Variants in GRIK1 observed in about 807,000 individuals in gnomAD.
The protein encoded by GRIK1 is glutamate ionotropic receptor kainate type subunit 1, also known as glutamate receptor ionotropic, kainate 1.
GRIK1 carries 69 observed loss-of-function variants against 105.7 expected under a neutral mutation model. The observed-to-expected ratio is 0.65, with a 90% CI of 0.54 to 0.80. The LOEUF is 0.80. GRIK1 is among the 30% of genes least tolerant of loss of function. The probability of loss-of-function intolerance (pLI) is 0.00; values close to 1 mark genes in which losing one functional copy is unlikely to be tolerated. For synonymous variants in GRIK1, 438 were observed against 431.3 expected, an observed-to-expected ratio of 1.02 and a Z score of -0.19; for missense variants, 1,109 against 1,167.3, an observed-to-expected ratio of 0.95 and a Z score of 0.73.
chr21:29,937,825 A>G (rs995543579), intron 1 of GRIK1, among the ~76,000 whole-genome samples: 1 of 150,708 alleles, frequency 6.6e-6, no homozygotes, highest in Non-Finnish European at 1.5e-5. Flanking sequence ...GGGTGAGTAG[A>G]GTTGATTGCA....
chr21:29,898,382 G>A (rs1216164383), intron 1 of GRIK1, among the ~76,000 whole-genome samples: 2 of 152,178 alleles, frequency 1.3e-5, no homozygotes, highest in African/African-American at 2.4e-5. Flanking sequence ...AAGGCTGACA[G>A]AAGGGATGAC....
chr21:29,693,143 T>C (rs2063617605), intron 2 of GRIK1, among the ~76,000 whole-genome samples: 2 of 152,208 alleles, frequency 1.3e-5, no homozygotes, highest in African/African-American at 4.8e-5. Context: ...GAGTAGCCTT[T>C]GTTTCCACAT....
At chr21:29,730,551 C>G (rs185752072) in intron 1 of GRIK1, among the ~76,000 whole-genome samples, 1 of 152,304 alleles carries the variant, frequency 6.6e-6, no homozygotes, top group Non-Finnish European at 1.5e-5. Flanking sequence ...CATCTGCTCA[C>G]AGATATAGCT....
In GRIK1 at chr21:29,585,590, G is replaced by A. The variant is rs893845968; in HGVS notation, c.1793+1776C>T. 5.9e-5 allele frequency among the ~76,000 whole-genome samples: 9 copies of A among 152,228 alleles called. No homozygotes were observed. In the East Asian group the frequency reaches 1.7e-3, roughly 29 times the overall value. On this transcript the variant is annotated intron_variant, in intron 12 of 17. Transcript: ENST00000327783. ...AAATATGGAAACTCACTTTTGCCCT[G>A]CGAAATATGGAAACTACTGTTGCCC...
At chr21:29,840,353 A>C (rs2067942449) in intron 1 of GRIK1, among the ~76,000 whole-genome samples, 1 of 152,186 alleles carries the variant, frequency 6.6e-6, no homozygotes, top group South Asian at 2.1e-4. Flanking sequence ...AAAAATCACC[A>C]TTTGCCATTT....
rs545950219 is a variant in GRIK1, at chr21:29,753,517, G to A, written c.119-59454C>T. Among the ~76,000 whole-genome samples the A allele has an allele frequency of 3.3e-5, 5 of 152,340 alleles. No individual in the cohort carries two copies. The South Asian group carries it at 1.0e-3, about 32-fold the overall frequency. ...CAGTGTAGCAAAGCCCTCTGGCATA[G>A]ATGGGCTTCATATTACTGTTAGCTA... On this transcript the variant is annotated intron_variant, in intron 1 of 17. Transcript: ENST00000327783.
intron 1 of GRIK1, among the ~76,000 whole-genome samples, chr21:29,763,199 A>G (rs2065572505): frequency 6.6e-6 from 1 of 152,140 alleles, no homozygotes; most frequent in Non-Finnish European, 1.5e-5. Context: ...AGGAGTTTTC[A>G]CAAGATCTGA....
chr21:29,580,103 GTATA>G (rs1173433456), intron 13 of GRIK1, among the ~76,000 whole-genome samples: 1 of 140,244 alleles, frequency 7.1e-6, no homozygotes, highest in African/African-American at 2.8e-5. Flanking sequence ...ATATATGTGT[GTATA>G]TATACATATA....
intron 1 of GRIK1, among the ~76,000 whole-genome samples, chr21:29,933,927 T>C (rs1019934150): frequency 2.0e-5 from 3 of 152,044 alleles, no homozygotes; most frequent in African/African-American, 7.2e-5. Context: ...TAATTATCAG[T>C]GAAACAACAA....
At chr21:29,578,554 A>G (rs557991957) in intron 13 of GRIK1, among the ~76,000 whole-genome samples, 3 of 152,272 alleles carry the variant, frequency 2.0e-5, no homozygotes, top group South Asian at 4.1e-4. Flanking sequence ...TCCTAATGCT[A>G]TTACGTATCT....
At chr21:29,553,456 A>G (rs1444010043) in intron 16 of GRIK1, 30 of 1,434,122 alleles carry the variant, frequency 2.1e-5, no homozygotes, top group Non-Finnish European at 2.6e-5. Context: ...AGGAATAGAG[A>G]ATTGTGGCTA....
intron 1 of GRIK1, among the ~76,000 whole-genome samples, chr21:29,789,516 C>A (rs1193707604): frequency 6.6e-6 from 1 of 152,210 alleles, no homozygotes; most frequent in Non-Finnish European, 1.5e-5. Flanking sequence ...TCCCCCATAC[C>A]TGGCTCCTTC....
chr21:29,600,434 A>C (rs1241498172), intron 7 of GRIK1, among the ~76,000 whole-genome samples: 1 of 152,194 alleles, frequency 6.6e-6, no homozygotes, highest in Non-Finnish European at 1.5e-5. Context: ...AGCTTCAATC[A>C]TTAGGTGATT....
intron 1 of GRIK1, among the ~76,000 whole-genome samples, chr21:29,736,854 T>G (rs2064804386): frequency 6.6e-6 from 1 of 151,650 alleles, no homozygotes; most frequent in Non-Finnish European, 1.5e-5. Context: ...ATTTTTGTAT[T>G]TTTTAGTAGA....
chr21:29,888,843 T>C (rs559296255), intron 1 of GRIK1, among the ~76,000 whole-genome samples: 14 of 152,314 alleles, frequency 9.2e-5, no homozygotes, highest in Non-Finnish European at 2.1e-4. Context: ...GAGGAGTTTT[T>C]TTTTCCCCCT....
intron 1 of GRIK1, among the ~76,000 whole-genome samples, chr21:29,906,308 A>G (rs1374973473): frequency 2.0e-5 from 3 of 152,240 alleles, no homozygotes; most frequent in Admixed American, 6.5e-5. Context: ...TATATATTTT[A>G]TATCAAATAC....
chr21:29,801,087 G>GAGTA (rs2145854832), intron 1 of GRIK1, among the ~76,000 whole-genome samples: 1 of 152,152 alleles, frequency 6.6e-6, no homozygotes, highest in Non-Finnish European at 1.5e-5. Flanking sequence ...GACTGGTGTT[G>GAGTA]AGTACCTTGT....
chr21:29,595,147 C>A (rs1179425364), intron 9 of GRIK1, among the ~76,000 whole-genome samples: 1 of 151,962 alleles, frequency 6.6e-6, no homozygotes, highest in Non-Finnish European at 1.5e-5. Flanking sequence ...AGGGAAGAGG[C>A]ATGAAGGCAT....
chr21:29,788,343 G>A (rs902616437), intron 1 of GRIK1, among the ~76,000 whole-genome samples: 1 of 152,172 alleles, frequency 6.6e-6, no homozygotes, highest in Non-Finnish European at 1.5e-5. Flanking sequence ...GTGGTATCTG[G>A]GAGAAAGCAT....
Sources: allele counts gnomAD v4.1 joint callset (sites outside exome capture counted in the v4.1 genomes callset), GRCh38; gene constraint gnomAD v4.1.1; transcripts MANE v1.5; gene names NCBI Gene and HGNC (gene_info 2026-07-23, HGNC 2026-07-21).